The following MYO7B variants were observed in gnomAD, a reference collection of about 807,000 sequenced individuals.
MYO7B encodes the protein unconventional myosin-VIIb.
MYO7B carries 212 observed loss-of-function variants against 259.7 expected under a neutral mutation model. That is an observed-to-expected ratio of 0.82 (90% CI 0.73 to 0.91). The LOEUF (loss-of-function observed/expected upper bound fraction) is 0.91. Among genes scored for constraint, MYO7B ranks in the 40% least tolerant of loss-of-function variants. The pLI is 0.00. For missense variants in MYO7B, 2,732 were observed against 2,813.5 expected (o/e 0.97, Z 0.66); for synonymous variants, 1,197 against 1,166.4 (o/e 1.03, Z -0.54).
At position 127,608,841 on chromosome 2, in the gene MYO7B, T is replaced by C. The variant is rs111765932; in HGVS notation, c.2777T>C (p.Ile926Thr). The C allele has an allele frequency of 2.6e-4, 423 of 1,613,438 alleles. 2 individuals are homozygous for C. The East Asian group carries it at 3.6e-3, about 14-fold the overall frequency. Residue 926 changes from isoleucine (I) to threonine (T), a missense_variant, in exon 22 of 48, where the codon ATT (isoleucine) becomes ACT (threonine). This residue lies in a region of MYO7B where 1,906 missense variants were observed against 2,026.4 expected (regional missense o/e 0.94). Transcript: ENST00000409816. Reference sequence around the variant, plus strand: ...GTGTTCGGCTTCCTCCCTGCCATGATTGGGGGCCAGGAGGGCCAGGCCTCG... The same window carrying C: ...GTGTTCGGCTTCCTCCCTGCCATGACTGGGGGCCAGGAGGGCCAGGCCTCG... ...EKVFGFLPAM[I>T]GGQEGQASPH...
chr2:127,617,495 T>G (rs957643205), intron 26 of MYO7B, among the ~76,000 whole-genome samples: 2 of 127,434 alleles, frequency 1.6e-5, no homozygotes, highest in East Asian at 2.4e-4. Flanking sequence ...GGGTTTTTTT[T>G]TTTTTTTTTT....
chr2:127,595,625 T>C (rs1679745320), intron 18 of MYO7B, among the ~76,000 whole-genome samples: 1 of 152,224 alleles, frequency 6.6e-6, no homozygotes, highest in Non-Finnish European at 1.5e-5. Context: ...ACTTTCCCTC[T>C]TAACACTGCT....
intron 19 of MYO7B, among the ~76,000 whole-genome samples, chr2:127,601,895 C>T (rs900552259): frequency 3.3e-5 from 5 of 152,036 alleles, no homozygotes; most frequent in South Asian, 4.1e-4. Context: ...ATGAGAAAAC[C>T]GTTGGTTCCA....
In MYO7B at chr2:127,584,041, G is replaced by C. The variant is rs1679207424; in HGVS notation, c.1344-81G>C. 5.2e-6 allele frequency: 7 copies of C among 1,334,072 alleles called. No homozygotes were observed. The highest frequency in any genetic ancestry group is 7.3e-6 in the Non-Finnish European group (7 of 954,814). 82.6% of individuals were successfully genotyped at this position (1,334,072 alleles called of 1,614,324 possible). On this transcript the variant is annotated intron_variant, in intron 12 of 47. Coordinates refer to ENST00000409816, the MANE Select transcript of MYO7B (RefSeq NM_001393586.1). The surrounding 1 kb of genome is among the most constrained non-coding windows in gnomAD (Gnocchi z 5.8). ...GTATGCAGCTGTTTGCAGATGGCTGGTGATCCTATGGCTCCAGCCTGCTGC... is the reference window on the plus strand; with the variant it reads ...GTATGCAGCTGTTTGCAGATGGCTGCTGATCCTATGGCTCCAGCCTGCTGC...
intron 4 of MYO7B, 119 bp downstream of exon 4, chr2:127,565,504 G>A (rs1344401266): frequency 1.5e-6 from 2 of 1,356,810 alleles, no homozygotes; most frequent in East Asian, 2.4e-5. Context: ...TGAGGGAGGT[G>A]GGCGAGGTGC....
chr2:127,545,902 C>A (rs1442168230), intron 1 of MYO7B, among the ~76,000 whole-genome samples: 2 of 152,210 alleles, frequency 1.3e-5, no homozygotes, highest in Admixed American at 6.5e-5. Context: ...TTCTGGGGTC[C>A]AACTGGGGCC....
At position 127,636,252 on chromosome 2, in the gene MYO7B, G is replaced by A. The variant is rs1236035334; in HGVS notation, c.6051G>A (p.Glu2017=). ...AYDKHKDKTV[E]EAKVAFLKWI... ...ACAAGCATAAGGACAAGACAGTGGAGGAGGCCAAGGTGGCCTTCCTGAAGT... is the reference window on the plus strand; with the variant it reads ...ACAAGCATAAGGACAAGACAGTGGAAGAGGCCAAGGTGGCCTTCCTGAAGT... Residue 2017 remains glutamate (E), a synonymous_variant, in exon 45 of 48, where the codon GAG becomes GAA. Coordinates refer to ENST00000409816, the MANE Select transcript of MYO7B (RefSeq NM_001393586.1). The surrounding 1 kb of genome is among the most constrained non-coding windows in gnomAD (Gnocchi z 4.5). 2 of 1,613,558 alleles carry A rather than the reference G, an allele frequency of 1.2e-6. No homozygotes were observed. The highest frequency in any genetic ancestry group is 1.7e-6 in the Non-Finnish European group (2 of 1,179,828).
Position 127,628,270 on chromosome 2 carries a change from A to C in MYO7B, c.4461-102A>C. ...CCTGGCAGAGCAGCTCTGTGTCCTC[A>C]TCTGTGACTCAGGACCCCCAACCCC... On this transcript the variant is annotated intron_variant, in intron 33 of 47. Transcript: ENST00000409816. This position sits in a 1 kb window ranked among gnomAD's most constrained non-coding sequence, Gnocchi z 4.8. The C allele has an allele frequency of 7.1e-7, 1 of 1,398,966 alleles. No individual in the cohort carries two copies. The allele number at this position is 1,398,966 out of a possible 1,614,324, so 86.7% of individuals were successfully genotyped here.
chr2:127,609,647 A>G lies in MYO7B; in HGVS notation c.2956A>G (p.Ser986Gly). 5.6e-6 allele frequency: 9 copies of G among 1,614,024 alleles called. No homozygotes were observed. The highest frequency in any genetic ancestry group is 7.6e-6 in the Non-Finnish European group (9 of 1,179,894). ...FAVTYFQKSA[S>G]HTHIRRPLRY... ...TGTGACTTACTTCCAGAAATCAGCC[A>G]GCCACACACACATCCGGCGGCCCCT... The change falls in exon 23 of 48, where the codon AGC becomes GGC. Residue 986 changes from serine to glycine, a missense_variant. Around this residue, in one of 3 missense-constraint regions of MYO7B, gnomAD observed 1,906 missense variants for 2,026.4 expected, o/e 0.94. Coordinates refer to ENST00000409816, the MANE Select transcript of MYO7B (RefSeq NM_001393586.1). This position sits in a 1 kb window ranked among gnomAD's most constrained non-coding sequence, Gnocchi z 6.9.
At chr2:127,555,385 TTTCA>T (rs1693601115) in intron 1 of MYO7B, among the ~76,000 whole-genome samples, 3 of 152,228 alleles carry the variant, frequency 2.0e-5, no homozygotes, top group African/African-American at 7.2e-5. Context: ...GTTGTTTCAA[TTTCA>T]TTTAGTTCTG....
chr2:127,580,863 C>T (rs576937217), intron 10 of MYO7B, 41 bp downstream of exon 10: 2 of 1,570,902 alleles, frequency 1.3e-6, no homozygotes, highest in South Asian at 1.1e-5. Flanking sequence ...TGGTGGGGGG[C>T]CTCAGAGGCC....
rs773995224 is a variant in MYO7B, at chr2:127,620,329, G to A, written c.3399-11G>A. 1 of 1,609,842 alleles carries A rather than the reference G, an allele frequency of 6.2e-7. No individual in the cohort carries two copies. The highest frequency in any genetic ancestry group is 8.5e-7 in the Non-Finnish European group (1 of 1,177,168). On this transcript the variant is annotated splice_polypyrimidine_tract_variant and intron_variant, in intron 26 of 47. Coordinates refer to ENST00000409816, the MANE Select transcript of MYO7B (RefSeq NM_001393586.1). ...CCCCAGCCTACTCTCCTAATGGTCT[G>A]TGTCTTTCAGGGATGAGATTTACTG...
chr2:127,608,628 C>A, intron 21 of MYO7B, 80 bp from the exon 22 acceptor site: 1 of 1,474,846 alleles, frequency 6.8e-7, no homozygotes, highest in Non-Finnish European at 9.1e-7. Context: ...CTGGGAGGTG[C>A]TTGCCCTGTG....
chr2:127,557,354 C>T (rs1677870021), intron 1 of MYO7B, among the ~76,000 whole-genome samples: 1 of 151,994 alleles, frequency 6.6e-6, no homozygotes, highest in Non-Finnish European at 1.5e-5. Flanking sequence ...TTCTCTGGTG[C>T]CTCCTTGATT....
chr2:127,536,299 CAG>C (rs1346975997), intron 1 of MYO7B, among the ~76,000 whole-genome samples: 1 of 152,186 alleles, frequency 6.6e-6, no homozygotes, highest in Non-Finnish European at 1.5e-5. Context: ...TTTATGGACA[CAG>C]AGACTGAGGA....
In MYO7B at chr2:127,583,268, T is replaced by A. The variant is rs558284508; in HGVS notation, c.1343+822T>A. 1.1e-3 allele frequency among the ~76,000 whole-genome samples: 163 copies of A among 151,966 alleles called. 2 individuals carry two copies. The Middle Eastern group carries it at 0.017, about 16-fold the overall frequency. On this transcript the variant is annotated intron_variant, in intron 12 of 47. Coordinates refer to ENST00000409816, the MANE Select transcript of MYO7B (RefSeq NM_001393586.1). ...GCCCAAGGCCTGTCTGATCTGAGAG[T>A]GATTTAGAAGGGCCCCCCTTGGACA... is the stretch of plus-strand genomic sequence containing the variant.
intron 7 of MYO7B, among the ~76,000 whole-genome samples, chr2:127,574,386 A>G (rs1453367652): frequency 6.6e-6 from 1 of 152,146 alleles, no homozygotes; most frequent in Non-Finnish European, 1.5e-5. Context: ...AAATATGAAA[A>G]AAAAAATTAG....
rs1308941282 is a variant in MYO7B at position 127,607,647 on chromosome 2, T to C, written c.2643+223T>C. Reference sequence around the variant, plus strand: ...ATTAGCAGGCACCTGGGCTGAGATGTAGCTATCACGAGAGACACACCGTCC... The same window carrying C: ...ATTAGCAGGCACCTGGGCTGAGATGCAGCTATCACGAGAGACACACCGTCC... On this transcript the variant is annotated intron_variant, in intron 21 of 47. Transcript: ENST00000409816. The surrounding 1 kb of genome is among the most constrained non-coding windows in gnomAD (Gnocchi z 4.4). Among the ~76,000 whole-genome samples the C allele has an allele frequency of 6.6e-6, 1 of 152,036 alleles. No individual in the cohort carries two copies. The highest frequency in any genetic ancestry group is 1.5e-5 in the Non-Finnish European group (1 of 68,006).
intron 2 of MYO7B, among the ~76,000 whole-genome samples, chr2:127,562,403 T>C (rs1223884529): frequency 1.3e-5 from 2 of 151,876 alleles, no homozygotes; most frequent in African/African-American, 4.8e-5. Context: ...TTCAAGCAAT[T>C]ATCCTGCATC....
Sources: gnomAD v4.1 joint callset for allele counts (sites outside exome capture counted in the v4.1 genomes callset) on GRCh38, gnomAD v4.1.1 for gene constraint, gnomAD v4.1.1 regional missense constraint, Gnocchi (gnomAD v3.1) non-coding constraint, MANE v1.5 for transcripts, NCBI Gene and HGNC (gene_info 2026-07-23, HGNC 2026-07-21) for gene names.